NSRP1: variants seen among roughly 807,000 people sequenced by gnomAD.
NSRP1 encodes the protein nuclear speckle splicing regulatory protein 1.
A neutral mutation model predicts 54.7 loss-of-function variants in NSRP1; 24 were observed. The observed-to-expected ratio is 0.44, with a 90% CI of 0.32 to 0.62. NSRP1 has a LOEUF of 0.62. Among genes scored for constraint, NSRP1 ranks in the 20% least tolerant of loss-of-function variants. NSRP1 has a pLI of 0.06. For synonymous variants in NSRP1, 210 were observed against 213.8 expected (o/e 0.98, Z 0.15); for missense variants, 596 against 651.2 (o/e 0.92, Z 0.92).
intron 2 of NSRP1, among the ~76,000 whole-genome samples, chr17:30,119,828 G>A (rs1455796300): frequency 6.6e-6 from 1 of 152,134 alleles, no homozygotes; most frequent in Admixed American, 6.6e-5. Context: ...TTATATAATA[G>A]CATGGGTGGA....
intron 6 of NSRP1, among the ~76,000 whole-genome samples, 154 bp downstream of exon 6, chr17:30,181,170 G>C (rs972732385): frequency 6.6e-6 from 1 of 152,102 alleles, no homozygotes; most frequent in Non-Finnish European, 1.5e-5. Flanking sequence ...CTAGAAATTT[G>C]CAGTTTCTTG....
rs150981877 is a variant in NSRP1 at position 30,168,775 on chromosome 17, A to G, written c.115-3767A>G. On this transcript the variant is annotated intron_variant, in intron 2 of 6. Coordinates refer to ENST00000247026, the MANE Select transcript of NSRP1 (RefSeq NM_032141.4). The stretch of plus-strand genomic sequence containing the variant: ...TATTACAGAAAAAAGTAAAAGTTTT[A>G]CTGCTACTCTTTTAAGCTTTTTGTA... 681 of 151,976 alleles carry G rather than the reference A, an allele frequency of 4.5e-3. 3 individuals are homozygous for G. Among genetic ancestry groups the G allele is most frequent in the African/African-American group, 0.016 (663 of 41,536 alleles). 9.4% of individuals were successfully genotyped at this position (151,976 alleles called of 1,614,324 possible).
At chr17:30,117,629 T>C (rs927040411) in intron 1 of NSRP1, 3 of 337,734 alleles carry the variant, frequency 8.9e-6, no homozygotes, top group Non-Finnish European at 1.6e-5. Flanking sequence ...ATCCAGTCAG[T>C]TCTTAGAAAC....
intron 2 of NSRP1, chr17:30,125,782 A>G (rs1389459466): frequency 1.3e-5 from 2 of 152,288 alleles, no homozygotes; most frequent in East Asian, 3.8e-4. Context: ...TCCTGGCCTC[A>G]AGGGATCTGC....
chr17:30,135,709 A>G (rs1259086072), intron 2 of NSRP1, among the ~76,000 whole-genome samples: 2 of 149,780 alleles, frequency 1.3e-5, no homozygotes, highest in African/African-American at 2.5e-5. Flanking sequence ...CTCCTGACCT[A>G]GTGACCCGCC....
intron 2 of NSRP1, among the ~76,000 whole-genome samples, chr17:30,121,557 C>T (rs1355035714): frequency 7.2e-5 from 10 of 139,382 alleles, no homozygotes; most frequent in African/African-American, 2.5e-4. Context: ...TGTGTGTGTG[C>T]GTGTGTGTGT....
At chr17:30,179,344 T>C in intron 5 of NSRP1, 47 bp downstream of exon 5, 3 of 1,510,112 alleles carry the variant, frequency 2.0e-6, no homozygotes, top group Non-Finnish European at 2.7e-6. Flanking sequence ...TAGCAGAATC[T>C]CTCCCCTGTG....
intron 2 of NSRP1, among the ~76,000 whole-genome samples, chr17:30,170,022 CT>C (rs1432614795): frequency 6.6e-6 from 1 of 151,904 alleles, no homozygotes; most frequent in East Asian, 1.9e-4. Flanking sequence ...CAGTTTTAGA[CT>C]GACAGCAAAA....
chr17:30,128,726 C>A (rs1029131583), intron 2 of NSRP1, among the ~76,000 whole-genome samples: 1 of 151,922 alleles, frequency 6.6e-6, no homozygotes, highest in Non-Finnish European at 1.5e-5. Flanking sequence ...AAATTTAAGA[C>A]CAGTCCAGCT....
rs770079774 is a variant in NSRP1 at position 30,185,001 on chromosome 17, G to A, written c.1004G>A (p.Arg335His). Residue 335 changes from arginine (R) to histidine (H), a missense_variant, in exon 7 of 7, where the codon CGT becomes CAT. Arg to His is a conservative substitution (Grantham distance 29). Coordinates refer to ENST00000247026, the MANE Select transcript of NSRP1 (RefSeq NM_032141.4). ...SRDQENHYTD[R>H]DYRKERDSHR... ...GACCAAGAGAACCATTACACTGACC[G>A]TGATTACCGGAAAGAAAGGGATTCT... The A allele has an allele frequency of 1.1e-5, 18 of 1,613,936 alleles. No homozygotes were observed. The highest frequency in any genetic ancestry group is 1.0e-4 in the Admixed American group (6 of 59,972).
chr17:30,126,993 G>T (rs2071655687), intron 2 of NSRP1, among the ~76,000 whole-genome samples: 1 of 152,184 alleles, frequency 6.6e-6, no homozygotes. Flanking sequence ...CAGGGCAACT[G>T]TACAACTTCA....
chr17:30,136,495 T>C (rs985803505), intron 2 of NSRP1, among the ~76,000 whole-genome samples: 1 of 152,230 alleles, frequency 6.6e-6, no homozygotes, highest in Admixed American at 6.5e-5. Context: ...ATCATGTTAA[T>C]TGGTTTACCA....
rs1237323143 is a variant in NSRP1 at position 30,117,095 on chromosome 17, T to G, written c.20+232T>G. 3.9e-6 allele frequency: 3 copies of G among 761,954 alleles called. No individual in the cohort carries two copies. In the Admixed American group the frequency reaches 5.4e-5, roughly 14 times the overall value. 47.2% of individuals were successfully genotyped at this position (761,954 alleles called of 1,614,324 possible). On this transcript the variant is annotated intron_variant, in intron 1 of 6. Coordinates refer to ENST00000247026, the MANE Select transcript of NSRP1 (RefSeq NM_032141.4). ...TGTGAGGAAATAAAGGAAGTTAGGC[T>G]GAGGGGCAGAGAGCGAGACTTTTCT... is the stretch of plus-strand genomic sequence containing the variant.
intron 2 of NSRP1, among the ~76,000 whole-genome samples, chr17:30,151,844 G>A (rs377333867): frequency 6.6e-4 from 96 of 145,240 alleles, no homozygotes; most frequent in African/African-American, 2.3e-3. Flanking sequence ...GTGCAGTGGC[G>A]CAATCTCAGC....
At chr17:30,144,028 T>G (rs2071829787) in intron 2 of NSRP1, 1 of 151,966 alleles carries the variant, frequency 6.6e-6, no homozygotes. Context: ...TATTTTTGGC[T>G]AACGTTACAG....
At chr17:30,131,530 G>A (rs2071699563) in intron 2 of NSRP1, among the ~76,000 whole-genome samples, 1 of 125,112 alleles carries the variant, frequency 8.0e-6, no homozygotes. Context: ...TTTTTAAAGT[G>A]TGTAATAGCA....
intron 2 of NSRP1, among the ~76,000 whole-genome samples, chr17:30,162,780 G>C (rs986755729): frequency 6.6e-6 from 1 of 152,028 alleles, no homozygotes; most frequent in African/African-American, 2.4e-5. Flanking sequence ...TTGAAGGAAG[G>C]TAATTTAATA....
intron 2 of NSRP1, among the ~76,000 whole-genome samples, chr17:30,120,580 A>T (rs1299690047): frequency 6.6e-6 from 1 of 152,172 alleles, no homozygotes; most frequent in Non-Finnish European, 1.5e-5. Flanking sequence ...ACCAGTGTCT[A>T]GTCTAGTGGG....
At chr17:30,152,408 G>C (rs865991891) in intron 2 of NSRP1, among the ~76,000 whole-genome samples, 1 of 148,844 alleles carries the variant, frequency 6.7e-6, no homozygotes, top group East Asian at 2.0e-4. Context: ...GTGAGCCACC[G>C]TGCCCAGCCT....
Sources: gnomAD v4.1 joint callset for allele counts (sites outside exome capture counted in the v4.1 genomes callset) on GRCh38, gnomAD v4.1.1 for gene constraint, MANE v1.5 for transcripts, NCBI Gene and HGNC (gene_info 2026-07-23, HGNC 2026-07-21) for gene names.